KIRREL3: variants seen among roughly 807,000 people sequenced by gnomAD.
KIRREL3 encodes the protein kin of IRRE-like protein 3.
In KIRREL3, 36 loss-of-function variants were observed where a neutral mutation model predicts 89.7. That is an observed-to-expected ratio of 0.40 (90% CI 0.31 to 0.53). KIRREL3 has a LOEUF of 0.53. Among genes scored for constraint, KIRREL3 ranks in the 20% least tolerant of loss-of-function variants. The pLI is 0.49. For synonymous variants in KIRREL3, 445 were observed against 441.4 expected, an observed-to-expected ratio of 1.01 and a Z score of -0.10; for missense variants, 864 against 1,056.6, an observed-to-expected ratio of 0.82 and a Z score of 2.53.
chr11:126,603,162 G>A lies in KIRREL3; in HGVS notation c.56-40250C>T, dbSNP rs190826585. On this transcript the variant is annotated intron_variant, in intron 1 of 16. Coordinates refer to ENST00000525144, the MANE Select transcript of KIRREL3 (RefSeq NM_032531.4). ...AGAGATGCCCCTACAGATTCCTGGAGCTGCTGGGCCCCATGCCAGGGCAAG... is the reference window on the plus strand; with the variant it reads ...AGAGATGCCCCTACAGATTCCTGGAACTGCTGGGCCCCATGCCAGGGCAAG... Among the ~76,000 whole-genome samples the A allele has an allele frequency of 1.5e-3, 225 of 152,318 alleles. 1 individual carries two copies. The highest frequency in any genetic ancestry group is 5.2e-3 in the African/African-American group (216 of 41,572).
chr11:126,443,342 CG>C lies in KIRREL3; in HGVS notation c.1252+1636del, dbSNP rs897507877. Among the ~76,000 whole-genome samples, 5 of 152,156 alleles carry C rather than the reference CG, an allele frequency of 3.3e-5. No homozygotes were observed. Among genetic ancestry groups the C allele is most frequent in the Middle Eastern group, 3.2e-3 (1 of 316 alleles). ...TTCACTGGGGCCTGGAGCTCTGAGC[CG>C]AGTGTCAGACACCTGCGCTGAAAGG... On this transcript the variant is annotated intron_variant, in intron 10 of 16. Coordinates refer to ENST00000525144, the MANE Select transcript of KIRREL3 (RefSeq NM_032531.4). This position sits in a 1 kb window ranked among gnomAD's most constrained non-coding sequence, Gnocchi z 7.3.
intron 1 of KIRREL3, among the ~76,000 whole-genome samples, chr11:126,603,750 G>C (rs572553347): frequency 6.6e-6 from 1 of 152,366 alleles, no homozygotes; most frequent in East Asian, 1.9e-4. Flanking sequence ...TGGGGCTGTT[G>C]CCTCACCTGG....
rs1305484370 is a variant in KIRREL3, at chr11:126,703,799, T to C, written c.56-140887A>G. Among the ~76,000 whole-genome samples the C allele has an allele frequency of 3.3e-5, 5 of 152,190 alleles. No homozygotes were observed. Among genetic ancestry groups the C allele is most frequent in the Non-Finnish European group, 5.9e-5 (4 of 68,028 alleles). On this transcript the variant is annotated intron_variant, in intron 1 of 16. Transcript: ENST00000525144. The surrounding 1 kb of genome is among the most constrained non-coding windows in gnomAD (Gnocchi z 4.6). Reference sequence around the variant, plus strand: ...AATGGGGAGCCCTTGCAGAATGTGGTTGGATCCTTCTCTCTTGGCTCTGTC... The same window carrying C: ...AATGGGGAGCCCTTGCAGAATGTGGCTGGATCCTTCTCTCTTGGCTCTGTC...
rs1949585230 is a variant in KIRREL3, at chr11:126,976,665, G to C, written c.55+23790C>G. 6.6e-6 allele frequency among the ~76,000 whole-genome samples: 1 copy of C among 152,090 alleles called. No individual in the cohort carries two copies. The highest frequency in any genetic ancestry group is 2.4e-5 in the African/African-American group (1 of 41,404). On this transcript the variant is annotated intron_variant, in intron 1 of 16. Coordinates refer to ENST00000525144, the MANE Select transcript of KIRREL3 (RefSeq NM_032531.4). This position sits in a 1 kb window ranked among gnomAD's most constrained non-coding sequence, Gnocchi z 4.2. ...TACCATAAGCATCATCATTATTATA[G>C]TGATAGTTAATATTTATTGAATTTT... is the stretch of plus-strand genomic sequence containing the variant.
At chr11:126,929,769 T>C (rs932010570) in intron 1 of KIRREL3, among the ~76,000 whole-genome samples, 1 of 152,198 alleles carries the variant, frequency 6.6e-6, no homozygotes, top group South Asian at 2.1e-4. Flanking sequence ...TTTCCATTCA[T>C]CAGGCTGCAC....
rs1943709717 is a variant in KIRREL3, at chr11:126,624,706, G to C, written c.56-61794C>G. 6.6e-6 allele frequency among the ~76,000 whole-genome samples: 1 copy of C among 152,216 alleles called. No individual in the cohort carries two copies. The highest frequency in any genetic ancestry group is 2.1e-4 in the South Asian group (1 of 4,832). On this transcript the variant is annotated intron_variant, in intron 1 of 16. Transcript: ENST00000525144. The surrounding 1 kb of genome is among the most constrained non-coding windows in gnomAD (Gnocchi z 6.0). ...GTTAATGGAGACAAATATTGTGGCTGTGATTTTTCAAAGGGCTGAGTAATT... is the reference window on the plus strand; with the variant it reads ...GTTAATGGAGACAAATATTGTGGCTCTGATTTTTCAAAGGGCTGAGTAATT...
Position 126,761,038 on chromosome 11 carries a change from A to G in KIRREL3, c.56-198126T>C, listed in dbSNP as rs550431706. Among the ~76,000 whole-genome samples the G allele has an allele frequency of 2.6e-5, 4 of 152,332 alleles. No individual in the cohort carries two copies. The South Asian group carries it at 8.3e-4, about 32-fold the overall frequency. ...AAATGAAAGAGGGAAGATGAAGCCC[A>G]GTTGCTCTATGCATTCTTTACTGCT... On this transcript the variant is annotated intron_variant, in intron 1 of 16. Coordinates refer to ENST00000525144, the MANE Select transcript of KIRREL3 (RefSeq NM_032531.4). This position sits in a 1 kb window ranked among gnomAD's most constrained non-coding sequence, Gnocchi z 4.4.
intron 7 of KIRREL3, among the ~76,000 whole-genome samples, chr11:126,453,253 CGT>C (rs1382436868): frequency 6.6e-6 from 1 of 152,126 alleles, no homozygotes; most frequent in Non-Finnish European, 1.5e-5. Flanking sequence ...GGTTTCATCT[CGT>C]GTGGGGGGGC....
Position 126,694,211 on chromosome 11 carries a change from G to C in KIRREL3, c.56-131299C>G, listed in dbSNP as rs527494809. On this transcript the variant is annotated intron_variant, in intron 1 of 16. Transcript: ENST00000525144. The surrounding 1 kb of genome is among the most constrained non-coding windows in gnomAD (Gnocchi z 4.4). ...CAGGGATGGGGAAATAATGAAAAAG[G>C]CTCTTTGTTTTTCCCCCAGTCCGAA... Among the ~76,000 whole-genome samples the C allele has an allele frequency of 2.6e-5, 4 of 152,336 alleles. No homozygotes were observed. The highest frequency in any genetic ancestry group is 2.1e-4 in the South Asian group (1 of 4,826).
intron 1 of KIRREL3, among the ~76,000 whole-genome samples, chr11:126,937,755 C>T (rs541428614): frequency 5.3e-5 from 8 of 152,234 alleles, no homozygotes; most frequent in Middle Eastern, 3.4e-3. Flanking sequence ...AAAAATCAGC[C>T]GGGCGTGGTG....
chr11:126,478,147 C>T (rs1034711156), intron 4 of KIRREL3, among the ~76,000 whole-genome samples: 1 of 152,196 alleles, frequency 6.6e-6, no homozygotes, highest in Non-Finnish European at 1.5e-5. Context: ...CAGCTCCTTC[C>T]GGGGCCGGGC....
Position 126,614,837 on chromosome 11 carries a change from A to C in KIRREL3, c.56-51925T>G, listed in dbSNP as rs192443429. 8.2e-4 allele frequency among the ~76,000 whole-genome samples: 125 copies of C among 152,214 alleles called. 2 individuals carry two copies. In the South Asian group the frequency reaches 0.017, roughly 20 times the overall value. ...TATCAGGTCTGGGTTGGGGCAGGTA[A>C]ATCTTCCTTTCTTTGTGGGCTCATG... On this transcript the variant is annotated intron_variant, in intron 1 of 16. Coordinates refer to ENST00000525144, the MANE Select transcript of KIRREL3 (RefSeq NM_032531.4). The surrounding 1 kb of genome is among the most constrained non-coding windows in gnomAD (Gnocchi z 4.6).
chr11:126,484,099 C>T lies in KIRREL3; in HGVS notation c.434-10633G>A, dbSNP rs1322143671. 6.6e-6 allele frequency among the ~76,000 whole-genome samples: 1 copy of T among 152,182 alleles called. No individual in the cohort carries two copies. Among genetic ancestry groups the T allele is most frequent in the Non-Finnish European group, 1.5e-5 (1 of 68,048 alleles). ...TCTCTCTCTAGTACTTAGTACAGTGCCTGGCATAGTGAGCACTTAATAAAT... is the reference window on the plus strand; with the variant it reads ...TCTCTCTCTAGTACTTAGTACAGTGTCTGGCATAGTGAGCACTTAATAAAT... On this transcript the variant is annotated intron_variant, in intron 4 of 16. Transcript: ENST00000525144. This position sits in a 1 kb window ranked among gnomAD's most constrained non-coding sequence, Gnocchi z 5.2.
chr11:126,668,693 T>TTTTTCTTTCTTTCTTTC lies in KIRREL3; in HGVS notation c.56-105782_56-105781insGAAAGAAAGAAAGAAAA, dbSNP rs1945778275. 7.9e-6 allele frequency among the ~76,000 whole-genome samples: 1 copy of TTTTTCTTTCTTTCTTTC among 126,596 alleles called. No individual in the cohort carries two copies. The highest frequency in any genetic ancestry group is 2.5e-4 in the East Asian group (1 of 4,042). 83.1% of individuals were successfully genotyped at this position (126,596 alleles called of 152,430 possible). ...TAAAGAGCTGTTGGGAAGTTTCTGT[T>TTTTTCTTTCTTTCTTTC]TTTCTTTCTTTCTTTCTTTCTTTCT... is the stretch of plus-strand genomic sequence containing the variant. On this transcript the variant is annotated intron_variant, in intron 1 of 16. Transcript: ENST00000525144. The surrounding 1 kb of genome is among the most constrained non-coding windows in gnomAD (Gnocchi z 4.4).
intron 1 of KIRREL3, among the ~76,000 whole-genome samples, chr11:126,633,169 C>A (rs1164699012): frequency 6.6e-6 from 1 of 152,104 alleles, no homozygotes; most frequent in African/African-American, 2.4e-5. Context: ...TTTGGCCATG[C>A]CGAGTCCCAA....
In KIRREL3 at chr11:126,996,478, C is replaced by T. The variant is rs1452997894; in HGVS notation, c.55+3977G>A. 6.6e-6 allele frequency among the ~76,000 whole-genome samples: 1 copy of T among 152,208 alleles called. No individual in the cohort carries two copies. Among genetic ancestry groups the T allele is most frequent in the Non-Finnish European group, 1.5e-5 (1 of 68,034 alleles). ...CGATGCCTCCCCAACCCTGCCCCTC[C>T]CAAGGGAACTCCTTGCTAGTTCAAG... On this transcript the variant is annotated intron_variant, in intron 1 of 16. Coordinates refer to ENST00000525144, the MANE Select transcript of KIRREL3 (RefSeq NM_032531.4). The surrounding 1 kb of genome is among the most constrained non-coding windows in gnomAD (Gnocchi z 4.7).
Position 126,537,773 on chromosome 11 carries a change from T to G in KIRREL3, c.134-11086A>C, listed in dbSNP as rs1312835179. ...TGCTGTGAGCATGAGAGGTTTTATATGTAAATGATCTTGGTAGACAGGTGT... is the reference window on the plus strand; with the variant it reads ...TGCTGTGAGCATGAGAGGTTTTATAGGTAAATGATCTTGGTAGACAGGTGT... On this transcript the variant is annotated intron_variant, in intron 2 of 16. Coordinates refer to ENST00000525144, the MANE Select transcript of KIRREL3 (RefSeq NM_032531.4). This position sits in a 1 kb window ranked among gnomAD's most constrained non-coding sequence, Gnocchi z 4.3. 6.6e-6 allele frequency among the ~76,000 whole-genome samples: 1 copy of G among 152,238 alleles called. No homozygotes were observed. The highest frequency in any genetic ancestry group is 2.4e-5 in the African/African-American group (1 of 41,460).
intron 4 of KIRREL3, among the ~76,000 whole-genome samples, chr11:126,499,906 T>C (rs1300248980): frequency 1.3e-5 from 2 of 152,204 alleles, no homozygotes; most frequent in African/African-American, 4.8e-5. Flanking sequence ...TTCTCCCTCC[T>C]TTGGCAGTAA....
chr11:126,591,605 G>A (rs900365041), intron 1 of KIRREL3, among the ~76,000 whole-genome samples: 4 of 152,320 alleles, frequency 2.6e-5, no homozygotes, highest in South Asian at 2.1e-4. Flanking sequence ...TCAGCTCTGG[G>A]GGCCCCATCA....
Sources: gnomAD v4.1 joint callset for allele counts (sites outside exome capture counted in the v4.1 genomes callset) on GRCh38, gnomAD v4.1.1 for gene constraint, Gnocchi (gnomAD v3.1) non-coding constraint, MANE v1.5 for transcripts, NCBI Gene and HGNC (gene_info 2026-07-23, HGNC 2026-07-21) for gene names.